EHD3: variants seen among roughly 807,000 people sequenced by gnomAD.
The protein encoded by EHD3 is EH domain containing 3, also known as EH domain-containing protein 3.
EHD3 carries 17 observed loss-of-function variants against 43.0 expected under a neutral mutation model. The observed-to-expected ratio is 0.40, with a 90% CI of 0.27 to 0.59. The LOEUF (loss-of-function observed/expected upper bound fraction) is 0.59, where lower values mean the gene tolerates loss of function less well. Among genes scored for constraint, EHD3 ranks in the 20% least tolerant of loss-of-function variants. EHD3 has a pLI of 0.49. For missense variants in EHD3, 594 were observed against 705.6 expected, an observed-to-expected ratio of 0.84 and a Z score of 1.79; for synonymous variants, 313 against 289.5, an observed-to-expected ratio of 1.08 and a Z score of -0.82.
rs760319339 is a variant in EHD3 at position 31,266,183 on chromosome 2, C to G, written c.1087C>G (p.Leu363Val). ...TCTCTCCTCCTCTTCCCAGGACCAG[C>G]TGCAGGCCCAGGACTTTAGCAAGTT... The part of the protein sequence containing the change: ...FPNLKRMQDQ[L>V]QAQDFSKFQP... Residue 363 changes from leucine (L) to valine (V), a missense_variant, in exon 6 of 6, where the codon CTG becomes GTG. Leu to Val is a conservative substitution (Grantham distance 32, BLOSUM62 1). Around this residue, in one of 3 missense-constraint regions of EHD3, gnomAD observed 322 missense variants for 348.0 expected, o/e 0.93. Coordinates refer to ENST00000322054, the MANE Select transcript of EHD3 (RefSeq NM_014600.3). This position sits in a 1 kb window ranked among gnomAD's most constrained non-coding sequence, Gnocchi z 5.1. 8 of 1,609,028 alleles carry G rather than the reference C, an allele frequency of 5.0e-6. No individual in the cohort carries two copies. Among genetic ancestry groups the G allele is most frequent in the Non-Finnish European group, 6.8e-6 (8 of 1,176,270 alleles).
intron 3 of EHD3, among the ~76,000 whole-genome samples, chr2:31,254,283 C>T (rs1683695722): frequency 6.6e-6 from 1 of 152,204 alleles, no homozygotes; most frequent in African/African-American, 2.4e-5. Context: ...GGGCTCAGAC[C>T]TTGGCAGGTC....
chr2:31,245,545 ATATATATATTTTTTTTT>A (rs1481665980), intron 2 of EHD3, among the ~76,000 whole-genome samples: 4 of 59,924 alleles, frequency 6.7e-5, no homozygotes, highest in African/African-American at 2.7e-4. Context: ...ATATATATAT[ATATATATATTTTTTTTT>A]TTTTTTTTTT....
At chr2:31,262,984 G>A (rs904176959) in intron 5 of EHD3, among the ~76,000 whole-genome samples, 17 of 152,238 alleles carry the variant, frequency 1.1e-4, no homozygotes, top group African/African-American at 3.9e-4. Flanking sequence ...AATAGATGCT[G>A]TTGCTCTTGT....
intron 3 of EHD3, among the ~76,000 whole-genome samples, chr2:31,253,863 T>C (rs1369191227): frequency 6.6e-6 from 1 of 152,054 alleles, no homozygotes; most frequent in South Asian, 2.1e-4. Flanking sequence ...TTCCTGGAAG[T>C]GGCAGGATGT....
chr2:31,266,132 C>G lies in EHD3; in HGVS notation c.1081-45C>G, dbSNP rs777141016. On this transcript the variant is annotated intron_variant, in intron 5 of 5. Coordinates refer to ENST00000322054, the MANE Select transcript of EHD3 (RefSeq NM_014600.3). This position sits in a 1 kb window ranked among gnomAD's most constrained non-coding sequence, Gnocchi z 5.1. ...AGGCACGTGATAAATGGAGGGCTCTCCTTTCATCGTATCCTATCTTCATCC... is the reference window on the plus strand; with the variant it reads ...AGGCACGTGATAAATGGAGGGCTCTGCTTTCATCGTATCCTATCTTCATCC... 56 of 1,560,438 alleles carry G rather than the reference C, an allele frequency of 3.6e-5. 1 individual carries two copies. The South Asian group carries it at 6.3e-4, about 18-fold the overall frequency.
At chr2:31,261,833 G>T in intron 5 of EHD3, 120 bp downstream of exon 5, 12 of 1,077,628 alleles carry the variant, frequency 1.1e-5, no homozygotes, top group Middle Eastern at 3.4e-4. Context: ...AGAATCTGCA[G>T]GCAAGGAGGT....
intron 3 of EHD3, among the ~76,000 whole-genome samples, chr2:31,259,885 G>A (rs1020697730): frequency 7.9e-5 from 12 of 152,144 alleles, no homozygotes; most frequent in African/African-American, 2.9e-4. Context: ...AAATAATGAC[G>A]TTAATAAGAG....
chr2:31,254,266 G>T (rs538448361), intron 3 of EHD3, among the ~76,000 whole-genome samples: 1 of 152,314 alleles, frequency 6.6e-6, no homozygotes, highest in African/African-American at 2.4e-5. Context: ...TCCTCTAGGG[G>T]TCTTTAGGGC....
rs1683287034 is a variant in EHD3, at chr2:31,234,591, G to A, written c.-31G>A. The A allele has an allele frequency of 6.2e-7, 1 of 1,610,932 alleles. No homozygotes were observed. The highest frequency in any genetic ancestry group is 1.7e-5 in the Admixed American group (1 of 59,996). ...CCCCTGAGGAGGAGTCTTCCCCTGG[G>A]GCTGCGTGCCGGGGGCGAGCGGCGG... On this transcript the variant is annotated 5_prime_UTR_variant, in exon 1 of 6. Coordinates refer to ENST00000322054, the MANE Select transcript of EHD3 (RefSeq NM_014600.3).
chr2:31,236,827 G>A (rs532684997), intron 1 of EHD3, among the ~76,000 whole-genome samples: 66 of 152,286 alleles, frequency 4.3e-4, no homozygotes, highest in Non-Finnish European at 9.1e-4. Flanking sequence ...GAGAGGTGAG[G>A]ATCCCCAAGC....
intron 5 of EHD3, among the ~76,000 whole-genome samples, chr2:31,262,562 G>A (rs753372733): frequency 1.3e-5 from 2 of 152,292 alleles, no homozygotes; most frequent in Middle Eastern, 6.8e-3. Context: ...GAGGGAGGTG[G>A]GTGCTGAGCA....
In EHD3 at chr2:31,260,549, G is replaced by A. The variant is rs575875306; in HGVS notation, c.542G>A (p.Arg181Gln). ...FAAVLEWFAERVDRIILLFDA... is the reference protein window; with the variant it reads ...FAAVLEWFAEQVDRIILLFDA... ...GCTGTCCTTGAGTGGTTTGCCGAGC[G>A]GGTTGACCGCATCATTCTGCTCTTC... Residue 181 changes from arginine to glutamine, a missense_variant, in exon 4 of 6, where the codon CGG becomes CAG. Physicochemically the swap from Arg to Gln is conservative, Grantham distance 43. Coordinates refer to ENST00000322054, the MANE Select transcript of EHD3 (RefSeq NM_014600.3). The surrounding 1 kb of genome is among the most constrained non-coding windows in gnomAD (Gnocchi z 4.6). 12 of 1,612,826 alleles carry A rather than the reference G, an allele frequency of 7.4e-6. No individual in the cohort carries two copies. The highest frequency in any genetic ancestry group is 4.0e-5 in the African/African-American group (3 of 75,020).
At chr2:31,261,434 G>T in intron 4 of EHD3, 115 bp from the exon 5 acceptor site, 1 of 1,236,568 alleles carries the variant, frequency 8.1e-7, no homozygotes, top group Non-Finnish European at 1.1e-6. Flanking sequence ...TTCAAAAGTA[G>T]GAGCAGGAGG....
At chr2:31,259,462 A>G (rs1463975733) in intron 3 of EHD3, among the ~76,000 whole-genome samples, 3 of 152,124 alleles carry the variant, frequency 2.0e-5, no homozygotes, top group African/African-American at 7.2e-5. Flanking sequence ...TTCAGCTCCT[A>G]CTGGATCCAC....
rs1479938897 is a variant in EHD3, at chr2:31,266,919, G to C, written c.*215G>C. 1.2e-5 allele frequency: 7 copies of C among 601,014 alleles called. No homozygotes were observed. The highest frequency in any genetic ancestry group is 2.0e-5 in the Non-Finnish European group (7 of 353,202). 37.2% of individuals were successfully genotyped at this position (601,014 alleles called of 1,614,324 possible). A position where few individuals can be genotyped will look rare whatever the true frequency, so the allele number is the denominator to read the frequency against. ...CAAGTTCTCGGGATTAGAAGGACAAGAGCACTCCCAGGCCCCAGAGTCTAA... is the reference window on the plus strand; with the variant it reads ...CAAGTTCTCGGGATTAGAAGGACAACAGCACTCCCAGGCCCCAGAGTCTAA... On this transcript the variant is annotated 3_prime_UTR_variant, in exon 6 of 6. Coordinates refer to ENST00000322054, the MANE Select transcript of EHD3 (RefSeq NM_014600.3). This position sits in a 1 kb window ranked among gnomAD's most constrained non-coding sequence, Gnocchi z 5.1.
chr2:31,236,558 G>A (rs1164643783), intron 1 of EHD3, among the ~76,000 whole-genome samples: 1 of 152,216 alleles, frequency 6.6e-6, no homozygotes, highest in South Asian at 2.1e-4. Flanking sequence ...TCCTTTGTGA[G>A]CCCTGGCCTC....
intron 3 of EHD3, among the ~76,000 whole-genome samples, chr2:31,255,893 G>T (rs1683743152): frequency 6.6e-6 from 1 of 152,196 alleles, no homozygotes; most frequent in Admixed American, 6.5e-5. Flanking sequence ...GCATCCCCGA[G>T]GCCTGTAAGA....
chr2:31,245,528 A>AATATATATATATATATATATATATATAT (rs775189280), intron 2 of EHD3, among the ~76,000 whole-genome samples: 1 of 75,042 alleles, frequency 1.3e-5, no homozygotes, highest in South Asian at 6.2e-4. Context: ...TCTTATCCCA[A>AATATATATATATATATATATATATATAT]ATATATATAT....
In EHD3 at chr2:31,268,915, A is replaced by G. The variant is rs943621381; in HGVS notation, c.*2211A>G. On this transcript the variant is annotated 3_prime_UTR_variant, in exon 6 of 6. Coordinates refer to ENST00000322054, the MANE Select transcript of EHD3 (RefSeq NM_014600.3). ...ACACATGCCACTTTCCTGCCCTTCT[A>G]CATATGCTGCCTCTCTTCCCTCTCT... The G allele has an allele frequency of 6.6e-6, 1 of 152,250 alleles. No individual in the cohort carries two copies. The highest frequency in any genetic ancestry group is 2.4e-5 in the African/African-American group (1 of 41,426). 9.4% of individuals were successfully genotyped at this position (152,250 alleles called of 1,614,324 possible).
Sources: allele counts gnomAD v4.1 joint callset (sites outside exome capture counted in the v4.1 genomes callset), GRCh38; gene constraint gnomAD v4.1.1; regional missense constraint gnomAD v4.1.1; non-coding constraint Gnocchi (gnomAD v3.1); transcripts MANE v1.5; gene names NCBI Gene and HGNC (gene_info 2026-07-23, HGNC 2026-07-21).